Variants in CNTN5 observed in about 807,000 individuals in gnomAD.
CNTN5 encodes the protein contactin 5, also known as contactin-5.
Under a neutral mutation model 129.1 loss-of-function variants are expected in CNTN5, and 77 were observed. The ratio of observed to expected loss-of-function variants is 0.60; its 90% CI spans 0.50 to 0.72. CNTN5 has a LOEUF of 0.72. CNTN5 is among the 30% of genes least tolerant of loss of function. The probability of loss-of-function intolerance (pLI) is 0.00; values close to 1 mark genes in which losing one functional copy is unlikely to be tolerated. For missense variants in CNTN5, 1,478 were observed against 1,328.8 expected (o/e 1.11, Z -1.75); for synonymous variants, 509 against 465.6 (o/e 1.09, Z -1.20).
At chr11:99,742,794 A>T (rs746911142) in intron 3 of CNTN5, among the ~76,000 whole-genome samples, 2 of 152,210 alleles carry the variant, frequency 1.3e-5, no homozygotes, top group East Asian at 3.8e-4. Flanking sequence ...TCTAGTTACT[A>T]TAATCTAATT....
intron 1 of CNTN5, among the ~76,000 whole-genome samples, chr11:99,167,860 A>T (rs1157466432): frequency 2.6e-5 from 4 of 152,122 alleles, no homozygotes; most frequent in African/African-American, 7.2e-5. Flanking sequence ...ATCAACAGCT[A>T]TATGTAATAT....
chr11:99,112,563 G>A (rs762155982), intron 1 of CNTN5, among the ~76,000 whole-genome samples: 3 of 151,962 alleles, frequency 2.0e-5, no homozygotes. Flanking sequence ...ATTGACTAAG[G>A]TATTTATAGA....
At chr11:99,866,473 A>G (rs1289632790) in intron 6 of CNTN5, among the ~76,000 whole-genome samples, 3 of 152,168 alleles carry the variant, frequency 2.0e-5, no homozygotes, top group Admixed American at 2.0e-4. Context: ...CTGCTGAGAA[A>G]ACTGAGGCTG....
At chr11:100,349,470 G>A (rs749242340) in intron 23 of CNTN5, among the ~76,000 whole-genome samples, 3 of 151,690 alleles carry the variant, frequency 2.0e-5, no homozygotes, top group African/African-American at 4.8e-5. Flanking sequence ...TTCTACAGGC[G>A]CTTTCTCATT....
At chr11:99,165,186 A>G (rs1194012419) in intron 1 of CNTN5, among the ~76,000 whole-genome samples, 3 of 152,200 alleles carry the variant, frequency 2.0e-5, no homozygotes, top group East Asian at 1.9e-4. Context: ...AGTTGTTGTG[A>G]TTGTTTCACA....
intron 2 of CNTN5, among the ~76,000 whole-genome samples, chr11:99,431,328 A>G (rs1233447487): frequency 6.6e-6 from 1 of 152,152 alleles, no homozygotes; most frequent in Non-Finnish European, 1.5e-5. Context: ...CTACCAACAT[A>G]GAAGGAGGAA....
At chr11:100,039,084 C>G (rs1485065529) in intron 9 of CNTN5, among the ~76,000 whole-genome samples, 1 of 152,272 alleles carries the variant, frequency 6.6e-6, no homozygotes, top group Admixed American at 6.5e-5. Flanking sequence ...TACAACTTGG[C>G]ATGTTTTTGC....
Position 99,844,953 on chromosome 11 carries a change from G to A in CNTN5, c.379G>A (p.Gly127Ser). 6.2e-7 allele frequency: 1 copy of A among 1,613,426 alleles called. No individual in the cohort carries two copies. The highest frequency in any genetic ancestry group is 8.5e-7 in the Non-Finnish European group (1 of 1,179,710). ...GGTAGCATTGAATTGTGAAGTTCGT[G>A]GCAATCCAGTTCCCAGTTACAGGTA... ...KKVALNCEVR[G>S]NPVPSYRWLR... The change falls in exon 5 of 25, where the codon GGC becomes AGC. Residue 127 changes from glycine to serine, a missense_variant. Coordinates refer to ENST00000524871, the MANE Select transcript of CNTN5 (RefSeq NM_014361.4).
intron 10 of CNTN5, among the ~76,000 whole-genome samples, chr11:100,062,633 A>G (rs943636427): frequency 1.3e-5 from 2 of 152,204 alleles, no homozygotes; most frequent in Non-Finnish European, 2.9e-5. Flanking sequence ...TGCAGAGTCT[A>G]CTGCATTCTA....
intron 3 of CNTN5, among the ~76,000 whole-genome samples, chr11:99,806,138 T>C (rs1404946386): frequency 1.3e-5 from 2 of 152,196 alleles, no homozygotes; most frequent in African/African-American, 4.8e-5. Flanking sequence ...TTGACTTAAA[T>C]TCATTCCTTA....
chr11:100,138,532 C>T (rs562921653), intron 13 of CNTN5, among the ~76,000 whole-genome samples: 1 of 151,936 alleles, frequency 6.6e-6, no homozygotes, highest in South Asian at 2.1e-4. Flanking sequence ...AGGATTTTGG[C>T]TTCATATAAT....
At chr11:100,049,449 A>T (rs1044918692) in intron 9 of CNTN5, among the ~76,000 whole-genome samples, 1 of 152,166 alleles carries the variant, frequency 6.6e-6, no homozygotes, top group Admixed American at 6.5e-5. Flanking sequence ...ACAAGAGGAA[A>T]AAAGATATGA....
intron 3 of CNTN5, among the ~76,000 whole-genome samples, chr11:99,775,483 C>T (rs1330905738): frequency 2.6e-5 from 4 of 151,908 alleles, no homozygotes; most frequent in African/African-American, 4.8e-5. Context: ...ATTAATGTCT[C>T]ATCTACTGAA....
intron 3 of CNTN5, among the ~76,000 whole-genome samples, chr11:99,728,807 C>T (rs1031551131): frequency 5.9e-5 from 9 of 152,124 alleles, no homozygotes; most frequent in African/African-American, 1.9e-4. Context: ...AAACAGTCAG[C>T]AGTCACTGGT....
At chr11:99,344,160 C>G (rs1050389269) in intron 2 of CNTN5, among the ~76,000 whole-genome samples, 2 of 152,110 alleles carry the variant, frequency 1.3e-5, no homozygotes, top group African/African-American at 4.8e-5. Flanking sequence ...GGAAGCTTTC[C>G]CAGTTAGTGC....
chr11:99,104,587 A>G (rs572576008), intron 1 of CNTN5, among the ~76,000 whole-genome samples: 2 of 151,730 alleles, frequency 1.3e-5, no homozygotes, highest in South Asian at 4.2e-4. Flanking sequence ...GTGTTAATTC[A>G]CCTGATTTAA....
chr11:99,618,148 C>T (rs1434007905), intron 3 of CNTN5, among the ~76,000 whole-genome samples: 1 of 152,054 alleles, frequency 6.6e-6, no homozygotes, highest in Non-Finnish European at 1.5e-5. Flanking sequence ...AATTTTTGGT[C>T]TCAGTATACC....
At chr11:99,820,170 C>G (rs1350229031) in intron 4 of CNTN5, among the ~76,000 whole-genome samples, 1 of 42,612 alleles carries the variant, frequency 2.3e-5, no homozygotes, top group Non-Finnish European at 5.8e-5. Context: ...TTCTAAACAT[C>G]TTTAAAGGAT....
intron 1 of CNTN5, among the ~76,000 whole-genome samples, chr11:99,033,277 T>G (rs957045231): frequency 1.1e-4 from 17 of 151,936 alleles, no homozygotes; most frequent in African/African-American, 3.6e-4. Flanking sequence ...ATATGAACTT[T>G]AAAGTAGTTT....
Sources: allele counts gnomAD v4.1 joint callset (sites outside exome capture counted in the v4.1 genomes callset), GRCh38; gene constraint gnomAD v4.1.1; transcripts MANE v1.5; gene names NCBI Gene and HGNC (gene_info 2026-07-23, HGNC 2026-07-21).